Variants in B9D1 observed in about 807,000 individuals in gnomAD.
The protein encoded by B9D1 is B9 domain containing 1.
Under a neutral mutation model 26.1 loss-of-function variants are expected in B9D1, and 20 were observed. That is an observed-to-expected ratio of 0.77 (90% CI 0.54 to 1.12). The LOEUF is 1.12. Among genes scored for constraint, B9D1 ranks in the 50% most tolerant of loss-of-function variants. The pLI is 0.00. For missense variants in B9D1, 260 were observed against 273.7 expected (o/e 0.95, Z 0.35); for synonymous variants, 105 against 103.1 (o/e 1.02, Z -0.11).
downstream of B9D1, chr17:19,341,256 G>T: frequency 8.1e-7 from 1 of 1,231,788 alleles, no homozygotes; most frequent in South Asian, 4.1e-5. Flanking sequence ...CCTTGATGTG[G>T]ACCAAGGCCA....
chr17:19,353,024 G>A (rs182989987), intron 3 of B9D1, among the ~76,000 whole-genome samples: 1 of 151,336 alleles, frequency 6.6e-6, no homozygotes, highest in East Asian at 2.0e-4. Flanking sequence ...TCGCCAGGCT[G>A]GAGTGTAGTG....
At chr17:19,350,091 G>A (rs558830751) in intron 3 of B9D1, among the ~76,000 whole-genome samples, 5 of 151,564 alleles carry the variant, frequency 3.3e-5, no homozygotes, top group Admixed American at 2.6e-4. Context: ...CAGCCTGGGC[G>A]ACAGAGCGAA....
At chr17:19,335,228 C>T, downstream of B9D1, 1 of 504,514 alleles carries the variant, frequency 2.0e-6, no homozygotes. Context: ...CTTTTCCTTT[C>T]TTTAGCTCCT....
upstream of B9D1, chr17:19,363,172 G>A (rs2006771704): frequency 6.4e-6 from 1 of 157,230 alleles, no homozygotes; most frequent in South Asian, 1.6e-4. Context: ...GTCCAAGCAG[G>A]TGAAAAGGAT....
intron 1 of B9D1, among the ~76,000 whole-genome samples, chr17:19,367,744 C>T (rs933084804): frequency 6.6e-6 from 1 of 152,218 alleles, no homozygotes; most frequent in African/African-American, 2.4e-5. Context: ...ACTTCAAGAG[C>T]CCGATAAATG....
chr17:19,362,976 G>A (rs554505568), upstream of B9D1: 119 of 294,724 alleles, frequency 4.0e-4, no homozygotes, highest in Non-Finnish European at 6.4e-4. Flanking sequence ...GGGGAGCAGC[G>A]CTCCGACTCA....
In B9D1 at chr17:19,372,234, T is replaced by C. The variant is rs73306283; in HGVS notation, c.-298+5625A>G. 1.3e-5 allele frequency: 2 copies of C among 152,256 alleles called. No homozygotes were observed. Among genetic ancestry groups the C allele is most frequent in the East Asian group, 3.8e-4 (2 of 5,200 alleles). The allele number at this position is 152,256 out of a possible 1,614,324, so 9.4% of individuals were successfully genotyped here. A position where few individuals can be genotyped will look rare whatever the true frequency, so the allele number is the denominator to read the frequency against. On this transcript the variant is annotated intron_variant, in intron 1 of 5. Transcript: ENST00000477478. This position sits in a 1 kb window ranked among gnomAD's most constrained non-coding sequence, Gnocchi z 4.4. Reference sequence around the variant, plus strand: ...CTTGTGTCAGGTGCCCCTGCAGATATAATTCCTCGAGTCCACAAAACAATG... The same window carrying C: ...CTTGTGTCAGGTGCCCCTGCAGATACAATTCCTCGAGTCCACAAAACAATG...
intron 1 of B9D1, among the ~76,000 whole-genome samples, chr17:19,371,792 G>A (rs1911907461): frequency 6.6e-6 from 1 of 152,206 alleles, no homozygotes; most frequent in African/African-American, 2.4e-5. Flanking sequence ...GAAGGGGTGG[G>A]GGTCCTGCAG....
At chr17:19,376,912 T>C (rs780378906) in intron 1 of B9D1, among the ~76,000 whole-genome samples, 22 of 152,194 alleles carry the variant, frequency 1.4e-4, no homozygotes, top group Non-Finnish European at 7.3e-5. Context: ...TAATAACTCT[T>C]GTAACCAACT....
chr17:19,356,722 G>A lies in B9D1; in HGVS notation c.244+1118C>T, dbSNP rs189644761. Among the ~76,000 whole-genome samples, 532 of 152,266 alleles carry A rather than the reference G, an allele frequency of 3.5e-3. 1 individual carries two copies. Among genetic ancestry groups the A allele is most frequent in the Non-Finnish European group, 5.3e-3 (363 of 68,016 alleles). ...ACACTCCCAGAGGAGATGGGATTGGGGTAACCTCTCTGGATTTCTGTTCTC... is the reference window on the plus strand; with the variant it reads ...ACACTCCCAGAGGAGATGGGATTGGAGTAACCTCTCTGGATTTCTGTTCTC... On this transcript the variant is annotated intron_variant, in intron 3 of 6. Transcript: ENST00000261499.
intron 3 of B9D1, among the ~76,000 whole-genome samples, chr17:19,353,273 C>T (rs1264495706): frequency 6.6e-6 from 1 of 152,122 alleles, no homozygotes; most frequent in Non-Finnish European, 1.5e-5. Context: ...CGTACCCAGC[C>T]ACTAATTTCT....
chr17:19,362,124 C>T (rs1695095750), intron 1 of B9D1, among the ~76,000 whole-genome samples: 1 of 152,192 alleles, frequency 6.6e-6, no homozygotes, highest in Non-Finnish European at 1.5e-5. Context: ...GGATTCAGAA[C>T]GCGGGACAGT....
chr17:19,343,041 TCTC>T (rs1908156317), downstream of B9D1: 2 of 1,334,828 alleles, frequency 1.5e-6, no homozygotes, highest in South Asian at 1.7e-5. Context: ...CACGGTCTGG[TCTC>T]CTGGCAGCTT....
At chr17:19,376,662 A>C (rs1255915299) in intron 1 of B9D1, among the ~76,000 whole-genome samples, 1 of 136,178 alleles carries the variant, frequency 7.3e-6, no homozygotes, top group Non-Finnish European at 1.6e-5. Flanking sequence ...GCCGGGCTTG[A>C]TGGCTCATGC....
chr17:19,334,718 TTTTA>T (rs1907320952), downstream of B9D1: 1 of 154,898 alleles, frequency 6.5e-6, no homozygotes, highest in Admixed American at 6.5e-5. The surrounding 1 kb of genome is among the most constrained non-coding windows in gnomAD (Gnocchi z 4.9). Flanking sequence ...GTTGTGCATA[TTTTA>T]TTTTTCTTTG....
Position 19,358,047 on chromosome 17 carries a change from T to G in B9D1, c.133-96A>C. ...TCAGCAGGCAGTTGGGAGGGCTGTT[T>G]TCTCAGCTGTCTTCTCCCAAGACAC... is the stretch of plus-strand genomic sequence containing the variant. On this transcript the variant is annotated intron_variant, in intron 2 of 6. Coordinates refer to ENST00000261499, the MANE Select transcript of B9D1 (RefSeq NM_015681.6). 16 of 857,662 alleles carry G rather than the reference T, an allele frequency of 1.9e-5. No individual in the cohort carries two copies. The South Asian group carries it at 2.2e-4, about 12-fold the overall frequency. 53.1% of individuals were successfully genotyped at this position (857,662 alleles called of 1,614,324 possible).
intron 3 of B9D1, among the ~76,000 whole-genome samples, chr17:19,355,854 C>CT (rs1161213080): frequency 1.3e-5 from 2 of 152,016 alleles, no homozygotes; most frequent in African/African-American, 2.4e-5. Context: ...GTCAGGCTTC[C>CT]TAGTTCTCTG....
At chr17:19,341,965 C>G (rs1490212641), downstream of B9D1, among the ~76,000 whole-genome samples, 1 of 152,108 alleles carries the variant, frequency 6.6e-6, no homozygotes. Context: ...GAGGGAGGGC[C>G]TGGCCTGAGG....
chr17:19,347,860 C>G lies in B9D1; in HGVS notation c.265G>C (p.Val89Leu). ...PYGWPQIVLS[V>L]YGPDVFGNDV... The stretch of plus-strand genomic sequence containing the variant: ...TTCCCGAACACATCTGGTCCATACA[C>G]GCTGAGCACGATCTGTGGCCCTTGG... Residue 89 changes from valine (V) to leucine (L), a missense_variant, in exon 4 of 7, where the codon GTG becomes CTG. Coordinates refer to ENST00000261499, the MANE Select transcript of B9D1 (RefSeq NM_015681.6). This position sits in a 1 kb window ranked among gnomAD's most constrained non-coding sequence, Gnocchi z 4.3. 5.0e-6 allele frequency: 8 copies of G among 1,614,112 alleles called. No homozygotes were observed. Among genetic ancestry groups the G allele is most frequent in the Non-Finnish European group, 5.9e-6 (7 of 1,180,024 alleles).
Sources: allele counts gnomAD v4.1 joint callset (sites outside exome capture counted in the v4.1 genomes callset), GRCh38; gene constraint gnomAD v4.1.1; non-coding constraint Gnocchi (gnomAD v3.1); transcripts MANE v1.5; gene names NCBI Gene and HGNC (gene_info 2026-07-23, HGNC 2026-07-21).